Variants in SHLD1 observed in about 807,000 individuals in gnomAD.
SHLD1 encodes the protein RINN1-REV7-interacting novel NHEJ regulator 3.
SHLD1 carries 3 observed loss-of-function variants against 5.5 expected under a neutral mutation model. The ratio of observed to expected loss-of-function variants is 0.54; its 90% CI spans 0.25 to 1.40. The LOEUF (loss-of-function observed/expected upper bound fraction) is 1.40, where lower values mean the gene tolerates loss of function less well. Ranked by LOEUF, SHLD1 falls within the 40% of genes most tolerant of loss-of-function variation. The pLI is 0.15. For missense variants in SHLD1, 210 were observed against 244.4 expected (o/e 0.86, Z 0.94); for synonymous variants, 92 against 94.3 (o/e 0.98, Z 0.14).
chr20:5,762,064 C>T (rs1360253490), intron 1 of SHLD1, among the ~76,000 whole-genome samples: 1 of 151,194 alleles, frequency 6.6e-6, no homozygotes, highest in Admixed American at 6.6e-5. Flanking sequence ...CCAGCCTGAC[C>T]AACATGGTGA....
chr20:5,769,532 AC>A (rs1985031991), intron 1 of SHLD1, among the ~76,000 whole-genome samples: 1 of 152,240 alleles, frequency 6.6e-6, no homozygotes, highest in Non-Finnish European at 1.5e-5. Context: ...ATGCATATAT[AC>A]ATACCTATGA....
At chr20:5,859,896 A>G (rs2088137771) in intron 2 of SHLD1, among the ~76,000 whole-genome samples, 1 of 152,206 alleles carries the variant, frequency 6.6e-6, no homozygotes, top group Non-Finnish European at 1.5e-5. Flanking sequence ...GGATTTCAAA[A>G]TTTTTAAATT....
intron 2 of SHLD1, among the ~76,000 whole-genome samples, chr20:5,783,163 T>C (rs549184494): frequency 2.1e-4 from 32 of 152,282 alleles, no homozygotes; most frequent in African/African-American, 7.2e-4. Flanking sequence ...TTTGGAAGGT[T>C]TGGGTATTCT....
chr20:5,801,071 CTT>C (rs67798135), intron 2 of SHLD1, among the ~76,000 whole-genome samples: 144 of 121,926 alleles, frequency 1.2e-3, no homozygotes, highest in East Asian at 2.3e-3. Flanking sequence ...CAGCCACCAT[CTT>C]TTTTTTTTTT....
At chr20:5,830,790 C>G (rs1377752845) in intron 2 of SHLD1, among the ~76,000 whole-genome samples, 1 of 151,436 alleles carries the variant, frequency 6.6e-6, no homozygotes, top group East Asian at 1.9e-4. Context: ...GGTTCTGGTG[C>G]TGTTCTGTTT....
At chr20:5,831,102 G>A (rs556225009) in intron 2 of SHLD1, among the ~76,000 whole-genome samples, 30 of 152,276 alleles carry the variant, frequency 2.0e-4, no homozygotes, top group Admixed American at 4.6e-4. Flanking sequence ...TGGGTGCTTC[G>A]TGCTGGCTTA....
intron 2 of SHLD1, among the ~76,000 whole-genome samples, chr20:5,774,472 C>T (rs1254451513): frequency 6.6e-6 from 1 of 152,152 alleles, no homozygotes; most frequent in African/African-American, 2.4e-5. Context: ...TTCATTCTCA[C>T]ACTGCTATAA....
intron 1 of SHLD1, among the ~76,000 whole-genome samples, chr20:5,754,900 A>G (rs1449288232): frequency 2.0e-5 from 3 of 152,090 alleles, no homozygotes; most frequent in African/African-American, 7.2e-5. Context: ...TACTAAAAAT[A>G]CAAAAATTAC....
chr20:5,819,151 C>T (rs745964923), intron 2 of SHLD1, among the ~76,000 whole-genome samples: 36 of 152,180 alleles, frequency 2.4e-4, no homozygotes, highest in Middle Eastern at 3.4e-3. Context: ...TGTGAGCCAC[C>T]GTGCCCCGCC....
intron 2 of SHLD1, among the ~76,000 whole-genome samples, chr20:5,791,795 A>C (rs1030797650): frequency 4.6e-5 from 7 of 152,164 alleles, no homozygotes; most frequent in Admixed American, 1.3e-4. Flanking sequence ...CGACTCTCAA[A>C]AAAAAATGCA....
chr20:5,802,342 T>C (rs1353740221), intron 2 of SHLD1, among the ~76,000 whole-genome samples: 1 of 152,356 alleles, frequency 6.6e-6, no homozygotes, highest in East Asian at 1.9e-4. Context: ...CTTGAGACAC[T>C]GTTAGGGGTC....
intron 2 of SHLD1, among the ~76,000 whole-genome samples, chr20:5,778,138 A>G (rs1467733364): frequency 6.5e-5 from 8 of 123,028 alleles, no homozygotes; most frequent in African/African-American, 2.2e-4. Flanking sequence ...TTTTTTTGAG[A>G]CAGAGTCTCG....
chr20:5,828,975 G>A (rs146724660), intron 2 of SHLD1, among the ~76,000 whole-genome samples: 1 of 152,290 alleles, frequency 6.6e-6, no homozygotes, highest in East Asian at 1.9e-4. Flanking sequence ...CCAGGCTCAG[G>A]TGATTCTCCC....
chr20:5,756,485 A>T (rs866017345), intron 1 of SHLD1, among the ~76,000 whole-genome samples: 1 of 152,054 alleles, frequency 6.6e-6, no homozygotes, highest in African/African-American at 2.4e-5. Context: ...ACATGTCTTT[A>T]ATGTATTTCT....
Position 5,807,471 on chromosome 20 carries a change from A to G in SHLD1, c.178+34428A>G, listed in dbSNP as rs527960604. Reference sequence around the variant, plus strand: ...CTGCAGCCTTGAACTCCTGGGCTCAAGCCATCCTCCTGCCTCAGTCTCCTG... The same window carrying G: ...CTGCAGCCTTGAACTCCTGGGCTCAGGCCATCCTCCTGCCTCAGTCTCCTG... On this transcript the variant is annotated intron_variant, in intron 2 of 2. Coordinates refer to ENST00000303142, the MANE Select transcript of SHLD1 (RefSeq NM_152504.4). 1.6e-3 allele frequency among the ~76,000 whole-genome samples: 247 copies of G among 152,002 alleles called. 1 individual carries two copies. The highest frequency in any genetic ancestry group is 2.1e-3 in the Non-Finnish European group (141 of 67,996).
At chr20:5,798,577 C>T (rs1295689698) in intron 2 of SHLD1, among the ~76,000 whole-genome samples, 2 of 145,468 alleles carry the variant, frequency 1.4e-5, no homozygotes, top group African/African-American at 5.1e-5. Flanking sequence ...GCTGGGATTA[C>T]AGGCGTAAGC....
intron 2 of SHLD1, among the ~76,000 whole-genome samples, chr20:5,857,650 A>G (rs932832292): frequency 1.3e-5 from 2 of 151,622 alleles, no homozygotes; most frequent in African/African-American, 4.9e-5. Flanking sequence ...CTCTACAAAA[A>G]ATAGAAAAAA....
rs373452689 is a variant in SHLD1, at chr20:5,775,705, C to T, written c.178+2662C>T. ...GTTGGAATTCTGGTTCTGCTTCTTC[C>T]CCTGGTTTGACTTTGGGCGAGCCAC... On this transcript the variant is annotated intron_variant, in intron 2 of 2. Transcript: ENST00000303142. 6.6e-5 allele frequency among the ~76,000 whole-genome samples: 10 copies of T among 152,192 alleles called. No homozygotes were observed. In the South Asian group the frequency reaches 2.1e-3, roughly 32 times the overall value.
At chr20:5,803,899 AAC>A (rs66721366) in intron 2 of SHLD1, among the ~76,000 whole-genome samples, 23,468 of 148,798 alleles carry the variant, frequency 0.16, 2,055 homozygotes, top group Non-Finnish European at 0.21. Flanking sequence ...AAAAAAAAAA[AAC>A]AAAACAAGAA....
Sources: gnomAD v4.1 joint callset for allele counts (sites outside exome capture counted in the v4.1 genomes callset) on GRCh38, gnomAD v4.1.1 for gene constraint, MANE v1.5 for transcripts, NCBI Gene and HGNC (gene_info 2026-07-23, HGNC 2026-07-21) for gene names.